The following TMEM132D variants were observed in gnomAD, a reference collection of about 807,000 sequenced individuals.
The protein encoded by TMEM132D is transmembrane protein 132D.
Under a neutral mutation model 62.3 loss-of-function variants are expected in TMEM132D, and 21 were observed. That is an observed-to-expected ratio of 0.34 (90% confidence interval 0.24 to 0.49). The LOEUF is 0.49. Among genes scored for constraint, TMEM132D ranks in the 20% least tolerant of loss-of-function variants. The pLI, the probability that TMEM132D is intolerant of heterozygous loss-of-function variation, is 0.99. For synonymous variants in TMEM132D, 621 were observed against 575.6 expected (o/e 1.08, Z -1.13); for missense variants, 1,346 against 1,402.8 (o/e 0.96, Z 0.65).
chr12:129,591,654 C>A (rs1160187338), intron 2 of TMEM132D, among the ~76,000 whole-genome samples: 1 of 150,334 alleles, frequency 6.7e-6, no homozygotes, highest in Admixed American at 6.6e-5. Flanking sequence ...ACAGTGATAG[C>A]AAAAAATAAT....
chr12:129,725,033 T>C (rs533150984), intron 1 of TMEM132D, among the ~76,000 whole-genome samples: 2 of 152,284 alleles, frequency 1.3e-5, no homozygotes, highest in East Asian at 3.9e-4. Flanking sequence ...TACCCTCTGG[T>C]TGTCTCTTCC....
chr12:129,093,874 C>T (rs535222487), intron 5 of TMEM132D, among the ~76,000 whole-genome samples: 18 of 116,982 alleles, frequency 1.5e-4, no homozygotes, highest in South Asian at 1.3e-3. Context: ...CTCAGAAATG[C>T]CGCATATCTA....
At chr12:129,407,321 T>C (rs1871821805) in intron 3 of TMEM132D, among the ~76,000 whole-genome samples, 1 of 152,168 alleles carries the variant, frequency 6.6e-6, no homozygotes, top group Non-Finnish European at 1.5e-5. Flanking sequence ...ACAACACTTG[T>C]AACACTCTTT....
At chr12:129,646,694 G>A (rs1342634592) in intron 2 of TMEM132D, among the ~76,000 whole-genome samples, 4 of 151,954 alleles carry the variant, frequency 2.6e-5, no homozygotes, top group Admixed American at 6.6e-5. Context: ...ATACAAATGC[G>A]TGGGTATGCG....
At chr12:129,154,410 C>T (rs1872713) in intron 5 of TMEM132D, among the ~76,000 whole-genome samples, 93,275 of 152,024 alleles carry the variant, frequency 0.61, 29,108 homozygotes, top group Non-Finnish European at 0.67. Flanking sequence ...TATTCATTAA[C>T]TCAACAAATA....
chr12:129,369,267 T>C (rs1028334918), intron 3 of TMEM132D, among the ~76,000 whole-genome samples: 3 of 152,126 alleles, frequency 2.0e-5, no homozygotes, highest in Admixed American at 2.0e-4. Context: ...ACGTGTGTCT[T>C]CCACGACAGA....
intron 3 of TMEM132D, among the ~76,000 whole-genome samples, chr12:129,447,541 T>C (rs912184082): frequency 1.3e-5 from 2 of 152,132 alleles, no homozygotes; most frequent in African/African-American, 2.4e-5. Flanking sequence ...TAAGCAAACA[T>C]GAGGATTTAA....
chr12:129,471,515 GCCTT>G (rs1187812677), intron 3 of TMEM132D, among the ~76,000 whole-genome samples: 1 of 151,988 alleles, frequency 6.6e-6, no homozygotes, highest in African/African-American at 2.4e-5. Flanking sequence ...CTCTCCTCGG[GCCTT>G]CCTATTTCTG....
At chr12:129,452,384 G>A (rs1461153526) in intron 3 of TMEM132D, among the ~76,000 whole-genome samples, 1 of 152,196 alleles carries the variant, frequency 6.6e-6, no homozygotes, top group African/African-American at 2.4e-5. Flanking sequence ...AAAAGTAGCT[G>A]CTGTTTCATC....
At chr12:129,481,750 C>T (rs1014578766) in intron 3 of TMEM132D, among the ~76,000 whole-genome samples, 1 of 152,172 alleles carries the variant, frequency 6.6e-6, no homozygotes, top group Non-Finnish European at 1.5e-5. Flanking sequence ...GGAGAGTGAT[C>T]TAGCAGTGTT....
chr12:129,092,492 C>T (rs567986492), intron 5 of TMEM132D, among the ~76,000 whole-genome samples: 11 of 152,012 alleles, frequency 7.2e-5, no homozygotes, highest in East Asian at 1.9e-4. Context: ...GTCAGGAGTT[C>T]GCGACCAGCC....
At chr12:129,286,671 A>G (rs1175109918) in intron 4 of TMEM132D, among the ~76,000 whole-genome samples, 2 of 152,210 alleles carry the variant, frequency 1.3e-5, no homozygotes, top group African/African-American at 2.4e-5. Flanking sequence ...GGCTTGACCC[A>G]TCATTTCTGT....
At chr12:129,634,473 C>CAA (rs71451324) in intron 2 of TMEM132D, among the ~76,000 whole-genome samples, 17,605 of 129,272 alleles carry the variant, frequency 0.14, 1,596 homozygotes, top group African/African-American at 0.27. Flanking sequence ...AACCTTGTCT[C>CAA]AAAAAAAAAA....
intron 1 of TMEM132D, among the ~76,000 whole-genome samples, chr12:129,716,832 G>A (rs1217802044): frequency 6.6e-6 from 1 of 152,190 alleles, no homozygotes; most frequent in African/African-American, 2.4e-5. Context: ...TAAGTTTGTG[G>A]TGATTTGCTA....
chr12:129,659,075 TTTG>T (rs1286775194), intron 2 of TMEM132D, among the ~76,000 whole-genome samples: 7 of 151,914 alleles, frequency 4.6e-5, no homozygotes, highest in Admixed American at 4.6e-4. Context: ...TAATTTTTTT[TTTG>T]TTGTTTGTTT....
chr12:129,302,783 A>G (rs1419746351), intron 4 of TMEM132D, among the ~76,000 whole-genome samples: 2 of 152,234 alleles, frequency 1.3e-5, no homozygotes, highest in Admixed American at 6.5e-5. Context: ...AAAGCAATGC[A>G]CACAGCGAAG....
chr12:129,767,338 C>A (rs1173694323), intron 1 of TMEM132D, among the ~76,000 whole-genome samples: 1 of 152,064 alleles, frequency 6.6e-6, no homozygotes, highest in Non-Finnish European at 1.5e-5. Context: ...GCTCCTAGAC[C>A]CAGCTGAAGA....
chr12:129,593,844 TAA>T (rs201253057), intron 2 of TMEM132D, among the ~76,000 whole-genome samples: 2 of 152,204 alleles, frequency 1.3e-5, no homozygotes, highest in Admixed American at 6.5e-5. Context: ...GTATTTTTTT[TAA>T]AATGTCAAAT....
chr12:129,506,829 C>A (rs898811056), intron 3 of TMEM132D, among the ~76,000 whole-genome samples: 4 of 152,094 alleles, frequency 2.6e-5, no homozygotes, highest in African/African-American at 9.7e-5. Flanking sequence ...AACCCAAAAG[C>A]AAATGCAATA....
Sources: gnomAD v4.1 joint callset for allele counts (sites outside exome capture counted in the v4.1 genomes callset) on GRCh38, gnomAD v4.1.1 for gene constraint, MANE v1.5 for transcripts, NCBI Gene and HGNC (gene_info 2026-07-23, HGNC 2026-07-21) for gene names.